Variants in KDM4B observed in about 807,000 individuals in gnomAD.
KDM4B encodes lysine demethylase 4B, also known as lysine-specific demethylase 4B.
In KDM4B, 32 loss-of-function variants were observed where a neutral mutation model predicts 125.2. The observed-to-expected ratio is 0.26, with a 90% CI of 0.19 to 0.34. The LOEUF (loss-of-function observed/expected upper bound fraction) is 0.34, where lower values mean the gene tolerates loss of function less well. Ranked by LOEUF, KDM4B falls within the 10% of genes least tolerant of loss-of-function variation. KDM4B has a pLI of 1.00. For synonymous variants in KDM4B, 721 were observed against 677.9 expected (o/e 1.06, Z -0.99); for missense variants, 1,190 against 1,577.7 (o/e 0.75, Z 4.16).
At position 5,142,552 on chromosome 19, in the gene KDM4B, G is replaced by T. The variant is rs934048130; in HGVS notation, c.2551-1415G>T. 6.6e-6 allele frequency among the ~76,000 whole-genome samples: 1 copy of T among 151,942 alleles called. No individual in the cohort carries two copies. Among genetic ancestry groups the T allele is most frequent in the Non-Finnish European group, 1.5e-5 (1 of 67,930 alleles). On this transcript the variant is annotated intron_variant, in intron 18 of 22. Coordinates refer to ENST00000159111, the MANE Select transcript of KDM4B (RefSeq NM_015015.3). The surrounding 1 kb of genome is among the most constrained non-coding windows in gnomAD (Gnocchi z 5.4). ...GGGCACCAGCCTGCCCCGGGGCTGG[G>T]TTTCTCCTGGGCCTGGGCCGAGGGG...
chr19:5,105,637 A>G (rs537736859), intron 9 of KDM4B, among the ~76,000 whole-genome samples: 1 of 152,266 alleles, frequency 6.6e-6, no homozygotes, highest in East Asian at 1.9e-4. Context: ...GCGTCTTGCT[A>G]TATTGCCCAG....
chr19:5,061,795 G>T lies in KDM4B; in HGVS notation c.627-9215G>T, dbSNP rs566191763. The stretch of plus-strand genomic sequence containing the variant: ...GAGGAGGGAGTATTGCTTGAGCCTG[G>T]GAATTTGAGGCTGCAGCAAAGACCC... On this transcript the variant is annotated intron_variant, in intron 6 of 22. Transcript: ENST00000159111. Among the ~76,000 whole-genome samples, 3 of 151,600 alleles carry T rather than the reference G, an allele frequency of 2.0e-5. No homozygotes were observed. The South Asian group carries it at 6.3e-4, about 32-fold the overall frequency.
intron 6 of KDM4B, among the ~76,000 whole-genome samples, chr19:5,069,311 A>AT (rs1228186872): frequency 4.6e-5 from 7 of 151,124 alleles, no homozygotes; most frequent in South Asian, 4.2e-4. Context: ...TTTTATTTTT[A>AT]TTTTTTTTAA....
rs528639984 is a variant in KDM4B, at chr19:5,113,182, C to T, written c.1115+2364C>T. The T allele has an allele frequency of 3.9e-5, 6 of 152,294 alleles. No homozygotes were observed. The East Asian group carries it at 7.7e-4, about 20-fold the overall frequency. The allele number at this position is 152,294 out of a possible 1,614,324, so 9.4% of individuals were successfully genotyped here. On this transcript the variant is annotated intron_variant, in intron 10 of 22. Transcript: ENST00000159111. ...GCCACCCCCTCACTTCTAGTCACGA[C>T]CTGCTCCTCCCAGGAGCCCCCTCCC...
At chr19:5,132,109 C>G in intron 13 of KDM4B, 102 bp downstream of exon 13, 1 of 1,367,986 alleles carries the variant, frequency 7.3e-7, no homozygotes, top group South Asian at 1.5e-5. Context: ...TCCCCCACTT[C>G]CTGGGTCTCC....
rs904165905 is a variant in KDM4B, at chr19:4,986,653, G to A, written c.-109+17423G>A. ...TGGATTAGGGCCCTCGAGGGGCGGC[G>A]CTGCTTTAGCCGGGGGAACAGGGAG... On this transcript the variant is annotated intron_variant, in intron 1 of 22. Transcript: ENST00000159111. 5.9e-5 allele frequency among the ~76,000 whole-genome samples: 9 copies of A among 152,218 alleles called. No individual in the cohort carries two copies. The East Asian group carries it at 7.7e-4, about 13-fold the overall frequency.
At chr19:5,019,398 ATGT>A (rs1217416067) in intron 2 of KDM4B, among the ~76,000 whole-genome samples, 7 of 92,644 alleles carry the variant, frequency 7.6e-5, no homozygotes, top group Non-Finnish European at 1.3e-4. Flanking sequence ...GCTGGTGTGG[ATGT>A]TGGTGTGCAG....
rs532088148 is a variant in KDM4B at position 5,035,606 on chromosome 19, G to T, written c.141+2575G>T. Among the ~76,000 whole-genome samples, 23 of 151,916 alleles carry T rather than the reference G, an allele frequency of 1.5e-4. 1 individual carries two copies. In the South Asian group the frequency reaches 4.6e-3, roughly 30 times the overall value. On this transcript the variant is annotated intron_variant, in intron 3 of 22. Transcript: ENST00000159111. The surrounding 1 kb of genome is among the most constrained non-coding windows in gnomAD (Gnocchi z 5.3). Reference sequence around the variant, plus strand: ...TGCCGCCTCTTTGAGCCCTCATGTCGCTGCTTCAGGTTTCTGCACTCCCCC... The same window carrying T: ...TGCCGCCTCTTTGAGCCCTCATGTCTCTGCTTCAGGTTTCTGCACTCCCCC...
intron 1 of KDM4B, among the ~76,000 whole-genome samples, chr19:5,012,731 G>A (rs1257777641): frequency 6.6e-6 from 1 of 152,234 alleles, no homozygotes; most frequent in Non-Finnish European, 1.5e-5. Context: ...TCACATCCCG[G>A]TGAGCGTCAG....
At chr19:5,096,806 C>T (rs971433933) in intron 9 of KDM4B, among the ~76,000 whole-genome samples, 5 of 152,054 alleles carry the variant, frequency 3.3e-5, no homozygotes, top group East Asian at 1.9e-4. Context: ...AGGTGTCCCG[C>T]GGTGCCCCCG....
intron 9 of KDM4B, among the ~76,000 whole-genome samples, chr19:5,095,570 G>A (rs1442725586): frequency 6.6e-6 from 1 of 152,260 alleles, no homozygotes; most frequent in African/African-American, 2.4e-5. Flanking sequence ...TGCACACTGA[G>A]AGCTGGGGGC....
At chr19:5,119,330 C>T (rs145138943) in intron 10 of KDM4B, 9 of 736,984 alleles carry the variant, frequency 1.2e-5, no homozygotes, top group African/African-American at 5.3e-5. Flanking sequence ...CGGCTCCTGC[C>T]GCCCCGTCCC....
intron 1 of KDM4B, among the ~76,000 whole-genome samples, chr19:5,001,717 C>T (rs541266378): frequency 6.6e-6 from 1 of 152,300 alleles, no homozygotes; most frequent in East Asian, 1.9e-4. Context: ...GGTTCCCCTG[C>T]CTCGCCAGCA....
intron 6 of KDM4B, chr19:5,070,784 A>G (rs730292): frequency 0.1 from 49,911 of 479,160 alleles, 3,268 homozygotes; most frequent in Admixed American, 0.15. Context: ...CCACCGAGCC[A>G]TGGTCCTCAC....
chr19:5,124,738 G>A (rs921077085), intron 11 of KDM4B, among the ~76,000 whole-genome samples: 3 of 152,192 alleles, frequency 2.0e-5, no homozygotes, highest in African/African-American at 7.2e-5. Context: ...TGGGATTACA[G>A]GCGCCCGCCA....
intron 6 of KDM4B, among the ~76,000 whole-genome samples, chr19:5,069,976 C>T (rs1289810184): frequency 7.9e-5 from 12 of 152,078 alleles, no homozygotes; most frequent in Non-Finnish European, 1.5e-4. Context: ...GGGCCGTCTC[C>T]CACCCTCTGA....
In KDM4B at chr19:5,116,156, T is replaced by TA. The variant is rs142321774; in HGVS notation, c.1116-3496dup. On this transcript the variant is annotated intron_variant, in intron 10 of 22. Transcript: ENST00000159111. ...TAGCTCATGCCTGTGATCCCAGCAC[T>TA]ATGGGAGGCCAAGGCAGGAGGATCA... 6.7e-3 allele frequency among the ~76,000 whole-genome samples: 932 copies of TA among 138,970 alleles called. 10 individuals are homozygous for TA. The highest frequency in any genetic ancestry group is 0.024 in the African/African-American group (863 of 36,722). 91.2% of individuals were successfully genotyped at this position (138,970 alleles called of 152,430 possible). A position where few individuals can be genotyped will look rare whatever the true frequency, so the allele number is the denominator to read the frequency against.
chr19:5,089,405 A>G (rs1441178522), intron 9 of KDM4B, among the ~76,000 whole-genome samples: 6 of 152,182 alleles, frequency 3.9e-5, no homozygotes, highest in Admixed American at 3.9e-4. Context: ...GGAAAGTTCT[A>G]TGACCAGGGG....
chr19:5,000,121 T>G lies in KDM4B; in HGVS notation c.-108-16136T>G, dbSNP rs548343743. On this transcript the variant is annotated intron_variant, in intron 1 of 22. Transcript: ENST00000159111. Reference sequence around the variant, plus strand: ...ACCAACCTATCCATCTATCCATCCATCCAGCCACCCACCTATCCACCCATT... The same window carrying G: ...ACCAACCTATCCATCTATCCATCCAGCCAGCCACCCACCTATCCACCCATT... 7.9e-4 allele frequency among the ~76,000 whole-genome samples: 95 copies of G among 120,544 alleles called. 1 individual carries two copies. Among genetic ancestry groups the G allele is most frequent in the African/African-American group, 2.5e-3 (78 of 31,236 alleles). The allele number at this position is 120,544 out of a possible 152,430, so 79.1% of individuals were successfully genotyped here.
Sources: gnomAD v4.1 joint callset for allele counts (sites outside exome capture counted in the v4.1 genomes callset) on GRCh38, gnomAD v4.1.1 for gene constraint, Gnocchi (gnomAD v3.1) non-coding constraint, MANE v1.5 for transcripts, NCBI Gene and HGNC (gene_info 2026-07-23, HGNC 2026-07-21) for gene names.